UNC5A: variants seen among roughly 807,000 people sequenced by gnomAD.
The protein encoded by UNC5A is unc-5 netrin receptor A, also known as netrin receptor UNC5A.
A neutral mutation model predicts 87.4 loss-of-function variants in UNC5A; 20 were observed. That is an observed-to-expected ratio of 0.23 (90% CI 0.16 to 0.33). UNC5A has a LOEUF of 0.33. UNC5A is among the 10% of genes least tolerant of loss of function. The pLI, the probability that UNC5A is intolerant of heterozygous loss-of-function variation, is 1.00. For synonymous variants in UNC5A, 438 were observed against 482.3 expected (o/e 0.91, Z 1.20); for missense variants, 844 against 1,133.4 (o/e 0.74, Z 3.67).
chr5:176,829,054 C>G (rs1332570460), intron 1 of UNC5A, among the ~76,000 whole-genome samples: 1 of 150,924 alleles, frequency 6.6e-6, no homozygotes, highest in Non-Finnish European at 1.5e-5. Flanking sequence ...TTGAACTGAA[C>G]CTGGGAGGCT....
In UNC5A at chr5:176,865,614, T is replaced by C. The variant is rs546000776; in HGVS notation, c.293-2516T>C. 2.2e-6 allele frequency: 1 copy of C among 456,886 alleles called. No homozygotes were observed. Among genetic ancestry groups the C allele is most frequent in the East Asian group, 6.9e-5 (1 of 14,402 alleles). 28.3% of individuals were successfully genotyped at this position (456,886 alleles called of 1,614,324 possible). A position where few individuals can be genotyped will look rare whatever the true frequency, so the allele number is the denominator to read the frequency against. On this transcript the variant is annotated intron_variant, in intron 2 of 14. Coordinates refer to ENST00000329542, the MANE Select transcript of UNC5A (RefSeq NM_133369.3). This position sits in a 1 kb window ranked among gnomAD's most constrained non-coding sequence, Gnocchi z 5.3. ...TCTCAACCCAAAGCCATCGAGTGCTTTGAGGTGAAGAAAAAGGCTTTCCTT... is the reference window on the plus strand; with the variant it reads ...TCTCAACCCAAAGCCATCGAGTGCTCTGAGGTGAAGAAAAAGGCTTTCCTT...
At chr5:176,821,460 C>T (rs1004160834) in intron 1 of UNC5A, among the ~76,000 whole-genome samples, 2 of 152,164 alleles carry the variant, frequency 1.3e-5, no homozygotes, top group African/African-American at 4.8e-5. Context: ...ACTGGAGGCC[C>T]GTCTTTGGTG....
In UNC5A at chr5:176,874,404, G is replaced by A. The variant is rs369754511; in HGVS notation, c.1216G>A (p.Gly406Ser). 20 of 1,613,378 alleles carry A rather than the reference G, an allele frequency of 1.2e-5. No individual in the cohort carries two copies. Among genetic ancestry groups the A allele is most frequent in the South Asian group, 5.5e-5 (5 of 91,048 alleles). Residue 406 changes from glycine (G) to serine (S), a missense_variant, in exon 8 of 15, where the codon GGC becomes AGC. Around this residue, in one of 3 missense-constraint regions of UNC5A, gnomAD observed 353 missense variants for 387.5 expected, o/e 0.91. Coordinates refer to ENST00000329542, the MANE Select transcript of UNC5A (RefSeq NM_133369.3). This position sits in a 1 kb window ranked among gnomAD's most constrained non-coding sequence, Gnocchi z 7.6. The part of the protein sequence containing the change: ...NGHLLSPLGG[G>S]RHTLHHSSPT... ...GCACCTGCTCAGCCCCCTGGGTGGCGGCCGCCACACACTGCACCACAGCTC... is the reference window on the plus strand; with the variant it reads ...GCACCTGCTCAGCCCCCTGGGTGGCAGCCGCCACACACTGCACCACAGCTC...
chr5:176,868,444 GC>G, intron 3 of UNC5A, 116 bp from the exon 4 acceptor site: 1 of 1,434,894 alleles, frequency 7.0e-7, no homozygotes, highest in Non-Finnish European at 9.5e-7. Flanking sequence ...TGGCCCCCTG[GC>G]CACCTGGCAC....
Position 176,858,781 on chromosome 5 carries a change from A to AGGC in UNC5A, c.71-3843_71-3842insGGC, listed in dbSNP as rs1359780907. ...AAGGAAGGAAGGAAGGAAGGCAAGC[A>AGGC]AGCAGGCAGGGAGGGAGGGAGGGAA... On this transcript the variant is annotated intron_variant, in intron 1 of 14. Coordinates refer to ENST00000329542, the MANE Select transcript of UNC5A (RefSeq NM_133369.3). Among the ~76,000 whole-genome samples the AGGC allele has an allele frequency of 1.4e-3, 195 of 141,540 alleles. 1 individual carries two copies. The highest frequency in any genetic ancestry group is 3.8e-3 in the African/African-American group (145 of 38,150). 92.9% of individuals were successfully genotyped at this position (141,540 alleles called of 152,430 possible).
At chr5:176,862,542 C>A in intron 1 of UNC5A, 82 bp from the exon 2 acceptor site, 1 of 1,326,990 alleles carries the variant, frequency 7.5e-7, no homozygotes, top group Non-Finnish European at 1.1e-6. Flanking sequence ...CCCCAACCCA[C>A]GGTGGAATCG....
intron 1 of UNC5A, among the ~76,000 whole-genome samples, chr5:176,822,000 G>A (rs2113589536): frequency 6.6e-6 from 1 of 152,386 alleles, no homozygotes; most frequent in South Asian, 2.1e-4. Flanking sequence ...TGGGAGGACT[G>A]TGCTTAAGAG....
At position 176,862,997 on chromosome 5, in the gene UNC5A, G is replaced by A. The variant is rs953574860; in HGVS notation, c.292+152G>A. ...ACCCTCAGCAGTTTGGGGAGAAGGAGGGGGAGAGAGGGGGTCCCTGATGAC... is the reference window on the plus strand; with the variant it reads ...ACCCTCAGCAGTTTGGGGAGAAGGAAGGGGAGAGAGGGGGTCCCTGATGAC... On this transcript the variant is annotated intron_variant, in intron 2 of 14. Coordinates refer to ENST00000329542, the MANE Select transcript of UNC5A (RefSeq NM_133369.3). The A allele has an allele frequency of 2.5e-5, 20 of 798,874 alleles. 1 individual carries two copies. The South Asian group carries it at 3.2e-4, about 13-fold the overall frequency. 49.5% of individuals were successfully genotyped at this position (798,874 alleles called of 1,614,324 possible).
intron 14 of UNC5A, 58 bp from the exon 15 acceptor site, chr5:176,879,663 G>A (rs1358521412): frequency 1.0e-5 from 16 of 1,594,380 alleles, no homozygotes; most frequent in South Asian, 2.3e-5. Context: ...GCCAGGGGGG[G>A]CAGGAGGTGT....
chr5:176,856,415 C>A (rs1327243463), intron 1 of UNC5A, among the ~76,000 whole-genome samples: 1 of 152,118 alleles, frequency 6.6e-6, no homozygotes, highest in African/African-American at 2.4e-5. Context: ...AAGGGGCCAC[C>A]CTAGGCAGAT....
chr5:176,830,215 A>G (rs1006252946), intron 1 of UNC5A, among the ~76,000 whole-genome samples: 6 of 152,168 alleles, frequency 3.9e-5, no homozygotes, highest in African/African-American at 1.4e-4. Flanking sequence ...AGCTGTTGCC[A>G]GTCGTCTTGG....
chr5:176,863,138 G>A (rs866038095), intron 2 of UNC5A, among the ~76,000 whole-genome samples: 7 of 152,262 alleles, frequency 4.6e-5, no homozygotes, highest in Non-Finnish European at 8.8e-5. Flanking sequence ...GGGACAGCCC[G>A]CCACCCTCGG....
At position 176,838,577 on chromosome 5, in the gene UNC5A, G is replaced by A. The variant is rs752776493; in HGVS notation, c.71-24047G>A. On this transcript the variant is annotated intron_variant, in intron 1 of 14. Coordinates refer to ENST00000329542, the MANE Select transcript of UNC5A (RefSeq NM_133369.3). This position sits in a 1 kb window ranked among gnomAD's most constrained non-coding sequence, Gnocchi z 4.2. ...GCTGACTTCAGGCAAAGCCTGATGC[G>A]CTGGCTCAGACAACAGCACTCTGGA... Among the ~76,000 whole-genome samples the A allele has an allele frequency of 5.9e-5, 9 of 152,272 alleles. No individual in the cohort carries two copies. The highest frequency in any genetic ancestry group is 1.9e-4 in the East Asian group (1 of 5,198).
rs1758319231 is a variant in UNC5A at position 176,878,339 on chromosome 5, C to T, written c.1965C>T (p.Ser655=). The stretch of plus-strand genomic sequence containing the variant: ...ACAGTTACCACAACCTGCGCCTATC[C>T]ATCCACGATGTGCCCAGCTCCCTGT... ...FKDSYHNLRL[S]IHDVPSSLWK... is the part of the protein sequence containing the mutation. The change falls in exon 12 of 15, where the codon TCC becomes TCT. Residue 655 remains serine (S), a synonymous_variant. Coordinates refer to ENST00000329542, the MANE Select transcript of UNC5A (RefSeq NM_133369.3). 1.2e-6 allele frequency: 2 copies of T among 1,613,626 alleles called. No individual in the cohort carries two copies. Among genetic ancestry groups the T allele is most frequent in the Non-Finnish European group, 1.7e-6 (2 of 1,180,030 alleles).
intron 1 of UNC5A, among the ~76,000 whole-genome samples, chr5:176,861,287 C>T (rs1757830130): frequency 6.6e-6 from 1 of 152,208 alleles, no homozygotes; most frequent in African/African-American, 2.4e-5. Flanking sequence ...CTCACAACAG[C>T]CTTAAGAACT....
chr5:176,857,333 G>A (rs948441600), intron 1 of UNC5A, among the ~76,000 whole-genome samples: 6 of 152,186 alleles, frequency 3.9e-5, no homozygotes, highest in African/African-American at 1.4e-4. Context: ...GAATGGATAC[G>A]TTTCATGTCT....
chr5:176,830,603 GGTGT>G (rs576368102), intron 1 of UNC5A, among the ~76,000 whole-genome samples: 4 of 131,896 alleles, frequency 3.0e-5, no homozygotes, highest in Non-Finnish European at 6.4e-5. Context: ...TGTGCATGCT[GGTGT>G]GTGTGTGCGC....
rs1251070089 is a variant in UNC5A at position 176,866,263 on chromosome 5, G to A, written c.293-1867G>A. On this transcript the variant is annotated intron_variant, in intron 2 of 14. Coordinates refer to ENST00000329542, the MANE Select transcript of UNC5A (RefSeq NM_133369.3). The surrounding 1 kb of genome is among the most constrained non-coding windows in gnomAD (Gnocchi z 5.0). ...CCCCTCACATCAAAGATGGGGTAGG[G>A]CCGGGTCTGCAGCCCCCGCCTCAGG... Among the ~76,000 whole-genome samples, 1 of 152,206 alleles carries A rather than the reference G, an allele frequency of 6.6e-6. No homozygotes were observed. The highest frequency in any genetic ancestry group is 2.4e-5 in the African/African-American group (1 of 41,454).
chr5:176,853,731 C>T (rs1561656464), intron 1 of UNC5A, among the ~76,000 whole-genome samples: 5 of 152,234 alleles, frequency 3.3e-5, no homozygotes, highest in Admixed American at 3.3e-4. Context: ...ACTGCCCTCT[C>T]CCCACCTTCG....
Sources: gnomAD v4.1 joint callset for allele counts (sites outside exome capture counted in the v4.1 genomes callset) on GRCh38, gnomAD v4.1.1 for gene constraint, gnomAD v4.1.1 regional missense constraint, Gnocchi (gnomAD v3.1) non-coding constraint, MANE v1.5 for transcripts, NCBI Gene and HGNC (gene_info 2026-07-23, HGNC 2026-07-21) for gene names.